PARP12: variants seen among roughly 807,000 people sequenced by gnomAD.
The protein encoded by PARP12 is protein mono-ADP-ribosyltransferase PARP12.
In PARP12, 59 loss-of-function variants were observed where a neutral mutation model predicts 72.4. The ratio of observed to expected loss-of-function variants is 0.81; its 90% CI spans 0.66 to 1.01. PARP12 has a LOEUF of 1.01. PARP12 is among the 50% of genes least tolerant of loss of function. The pLI is 0.00. For synonymous variants in PARP12, 403 were observed against 371.4 expected, an observed-to-expected ratio of 1.09 and a Z score of -0.98; for missense variants, 851 against 914.0, an observed-to-expected ratio of 0.93 and a Z score of 0.89.
intron 3 of PARP12, among the ~76,000 whole-genome samples, chr7:140,056,205 T>C (rs1316051633): frequency 6.6e-6 from 1 of 152,264 alleles, no homozygotes; most frequent in African/African-American, 2.4e-5. Context: ...TAAAAATCTC[T>C]GTTCAAAATC....
At chr7:140,038,455 T>G (rs1407685096) in intron 6 of PARP12, 4 of 255,850 alleles carry the variant, frequency 1.6e-5, no homozygotes, top group African/African-American at 9.2e-5. Context: ...TGGCAAGTTA[T>G]CTTAACCTCC....
intron 6 of PARP12, among the ~76,000 whole-genome samples, chr7:140,039,677 CTG>C (rs1384689884): frequency 3.3e-5 from 5 of 152,072 alleles, no homozygotes; most frequent in Non-Finnish European, 7.4e-5. Context: ...CAAGAGAAAA[CTG>C]TTTTGAAGTG....
chr7:140,028,536 A>T, intron 9 of PARP12, 77 bp downstream of exon 9: 1 of 1,277,792 alleles, frequency 7.8e-7, no homozygotes. Context: ...AGTGTTGAGG[A>T]ATGGCACAGT....
chr7:140,032,873 C>G (rs1269448689), intron 8 of PARP12, among the ~76,000 whole-genome samples: 1 of 152,146 alleles, frequency 6.6e-6, no homozygotes, highest in Admixed American at 6.5e-5. Flanking sequence ...GAGGAAGTTA[C>G]AGTCTACAGA....
chr7:140,043,237 G>C (rs905394055), intron 5 of PARP12, among the ~76,000 whole-genome samples: 2 of 152,006 alleles, frequency 1.3e-5, no homozygotes, highest in African/African-American at 4.8e-5. Context: ...AATCAAACAT[G>C]AGCTCAAAAT....
At chr7:140,029,395 T>C (rs1446947330) in intron 8 of PARP12, among the ~76,000 whole-genome samples, 1 of 152,236 alleles carries the variant, frequency 6.6e-6, no homozygotes, top group African/African-American at 2.4e-5. Flanking sequence ...AAATCATTCC[T>C]ATTAAGTTTC....
At chr7:140,051,163 A>G (rs993996700) in intron 4 of PARP12, among the ~76,000 whole-genome samples, 6 of 152,158 alleles carry the variant, frequency 3.9e-5, no homozygotes, top group Non-Finnish European at 8.8e-5. Flanking sequence ...TTAATATTAC[A>G]TATGTAAGTG....
In PARP12 at chr7:140,026,363, G is replaced by T. The variant is rs1156353376; in HGVS notation, c.1629-15C>A. 1 of 1,604,200 alleles carries T rather than the reference G, an allele frequency of 6.2e-7. No homozygotes were observed. Among genetic ancestry groups the T allele is most frequent in the Non-Finnish European group, 8.5e-7 (1 of 1,177,486 alleles). Reference sequence around the variant, plus strand: ...GTCCTTTTTGCCTAGAATCACAGAAGAATGTGTGCTGGGGGCAGAGTGTGC... The same window carrying T: ...GTCCTTTTTGCCTAGAATCACAGAATAATGTGTGCTGGGGGCAGAGTGTGC... On this transcript the variant is annotated splice_polypyrimidine_tract_variant and intron_variant, in intron 10 of 11. Transcript: ENST00000263549.
chr7:140,037,135 C>A (rs1816234725), intron 7 of PARP12, among the ~76,000 whole-genome samples: 1 of 152,140 alleles, frequency 6.6e-6, no homozygotes, highest in African/African-American at 2.4e-5. Context: ...CCAGTCTGGC[C>A]AACATGATGA....
intron 4 of PARP12, among the ~76,000 whole-genome samples, 162 bp downstream of exon 4, chr7:140,054,500 C>T (rs1174879391): frequency 1.3e-5 from 2 of 152,220 alleles, no homozygotes; most frequent in African/African-American, 4.8e-5. Flanking sequence ...TCTTCAACTC[C>T]CCAACAAAAT....
chr7:140,025,909 C>T (rs1164641513), intron 11 of PARP12, among the ~76,000 whole-genome samples: 2 of 152,136 alleles, frequency 1.3e-5, no homozygotes, highest in East Asian at 3.9e-4. Flanking sequence ...GGAAGGTATC[C>T]CCTCTCCTCT....
At position 140,057,168 on chromosome 7, in the gene PARP12, G is replaced by A. The variant is rs1464722552; in HGVS notation, c.463-15C>T. On this transcript the variant is annotated splice_polypyrimidine_tract_variant and intron_variant, in intron 2 of 11. Transcript: ENST00000263549. ...TGTTGGCAAATCTGTTGACAGAGAG[G>A]GAAAAAACCACCAGTTCAGGAAGGT... is the stretch of plus-strand genomic sequence containing the variant. 3.1e-6 allele frequency: 5 copies of A among 1,600,846 alleles called. No homozygotes were observed. Among genetic ancestry groups the A allele is most frequent in the African/African-American group, 1.3e-5 (1 of 74,220 alleles).
At chr7:140,043,833 T>C (rs1816600113) in intron 5 of PARP12, among the ~76,000 whole-genome samples, 2 of 152,178 alleles carry the variant, frequency 1.3e-5, no homozygotes, top group African/African-American at 2.4e-5. Flanking sequence ...CTCCCGACCT[T>C]AGAACTTTTA....
intron 5 of PARP12, among the ~76,000 whole-genome samples, chr7:140,042,632 T>C (rs1390702552): frequency 2.0e-5 from 3 of 152,130 alleles, no homozygotes; most frequent in African/African-American, 7.2e-5. Context: ...ACCAGGACCC[T>C]AAAAGATGAC....
intron 5 of PARP12, among the ~76,000 whole-genome samples, chr7:140,043,522 C>A (rs926828431): frequency 3.3e-5 from 5 of 151,814 alleles, no homozygotes; most frequent in Non-Finnish European, 1.5e-5. Context: ...TTTTTTACTA[C>A]TTTTTTTTAA....
chr7:140,028,026 C>A (rs1419599148), intron 9 of PARP12, among the ~76,000 whole-genome samples: 4 of 152,206 alleles, frequency 2.6e-5, no homozygotes, highest in African/African-American at 9.6e-5. Context: ...CAGGGACCGT[C>A]ACGTTTTAAA....
chr7:140,024,688 T>C lies in PARP12; in HGVS notation c.1978A>G (p.Ile660Val). Residue 660 changes from isoleucine to valine, a missense_variant, in exon 12 of 12, where the codon ATC becomes GTC. Physicochemically the swap from Ile to Val is conservative, Grantham distance 29. Transcript: ENST00000263549. ...SCVNSVSDPS[I>V]FVIFEKHQVY... The stretch of plus-strand genomic sequence containing the variant: ...TGGTGTTTCTCAAAGATCACAAAGA[T>C]GGAGGGGTCGGACACACTGTTCACG... The C allele has an allele frequency of 3.1e-6, 5 of 1,614,098 alleles. No homozygotes were observed. Among genetic ancestry groups the C allele is most frequent in the Non-Finnish European group, 4.2e-6 (5 of 1,180,026 alleles).
chr7:140,024,680 C>T lies in PARP12; in HGVS notation c.1986G>A (p.Val662=). The change falls in exon 12 of 12, where the codon GTG becomes GTA. Residue 662 remains valine (V), a synonymous_variant. Coordinates refer to ENST00000263549, the MANE Select transcript of PARP12 (RefSeq NM_022750.4). ...GGTAGACCTGGTGTTTCTCAAAGATCACAAAGATGGAGGGGTCGGACACAC... is the reference window on the plus strand; with the variant it reads ...GGTAGACCTGGTGTTTCTCAAAGATTACAAAGATGGAGGGGTCGGACACAC... ...VNSVSDPSIF[V]IFEKHQVYPE... is the part of the protein sequence containing the mutation. 1.2e-6 allele frequency: 2 copies of T among 1,614,128 alleles called. No homozygotes were observed. The highest frequency in any genetic ancestry group is 1.7e-6 in the Non-Finnish European group (2 of 1,180,022).
At position 140,052,967 on chromosome 7, in the gene PARP12, T is replaced by C. The variant is rs544086298; in HGVS notation, c.862+1695A>G. 1.4e-4 allele frequency among the ~76,000 whole-genome samples: 21 copies of C among 152,282 alleles called. No individual in the cohort carries two copies. In the East Asian group the frequency reaches 4.0e-3, roughly 29 times the overall value. Reference sequence around the variant, plus strand: ...AGACAATGCCAAGTGTTAGCAAGAATATACAATAACTGAAACTCTCACACG... The same window carrying C: ...AGACAATGCCAAGTGTTAGCAAGAACATACAATAACTGAAACTCTCACACG... On this transcript the variant is annotated intron_variant, in intron 4 of 11. Transcript: ENST00000263549.
Sources: gnomAD v4.1 joint callset for allele counts (sites outside exome capture counted in the v4.1 genomes callset) on GRCh38, gnomAD v4.1.1 for gene constraint, MANE v1.5 for transcripts, NCBI Gene and HGNC (gene_info 2026-07-23, HGNC 2026-07-21) for gene names.